The following MAD1L1 variants were observed in gnomAD, a reference collection of about 807,000 sequenced individuals.
MAD1L1 encodes the protein mitotic arrest deficient 1 like 1.
MAD1L1 carries 95 observed loss-of-function variants against 96.9 expected under a neutral mutation model. The observed-to-expected ratio is 0.98, with a 90% confidence interval of 0.83 to 1.16. The LOEUF (loss-of-function observed/expected upper bound fraction) is 1.16, where lower values mean the gene tolerates loss of function less well. Ranked by LOEUF, MAD1L1 falls within the 50% of genes most tolerant of loss-of-function variation. The probability of loss-of-function intolerance (pLI) is 0.00; values close to 1 mark genes in which losing one functional copy is unlikely to be tolerated. For missense variants in MAD1L1, 1,007 were observed against 954.4 expected (o/e 1.06, Z -0.73); for synonymous variants, 473 against 396.6 (o/e 1.19, Z -2.29).
In MAD1L1 at chr7:2,225,458, A is replaced by C. The variant is rs1039631070; in HGVS notation, c.243T>G (p.Ala81=). ...TGGCTGCTCTCTCCAGCTCCACTCG[A>C]GCCCTCTTGTGACTCAGCTCCATCT... ...KMQMELSHKR[A]RVELERAAST... is the part of the protein sequence containing the mutation. The change falls in exon 4 of 19, where the codon GCT becomes GCG. Residue 81 remains alanine, a synonymous_variant. Transcript: ENST00000265854. 38 of 1,613,988 alleles carry C rather than the reference A, an allele frequency of 2.4e-5. No homozygotes were observed. Among genetic ancestry groups the C allele is most frequent in the Non-Finnish European group, 2.8e-5 (33 of 1,180,026 alleles).
At chr7:2,191,390 T>A (rs556714420) in intron 10 of MAD1L1, among the ~76,000 whole-genome samples, 5 of 152,318 alleles carry the variant, frequency 3.3e-5, no homozygotes, top group African/African-American at 1.2e-4. Context: ...TTCTTGTTTA[T>A]TTCACCTAAT....
Position 2,069,177 on chromosome 7 carries a change from G to C in MAD1L1, c.1218+17C>G. On this transcript the variant is annotated intron_variant, in intron 12 of 18. Transcript: ENST00000265854. ...AGCTCCCTGCGACTCTGATCAAGAT[G>C]TAAGGGCATACATCACCTTGGTGAG... 1 of 1,567,884 alleles carries C rather than the reference G, an allele frequency of 6.4e-7. No individual in the cohort carries two copies.
At chr7:1,907,239 G>T (rs1020569587) in intron 17 of MAD1L1, among the ~76,000 whole-genome samples, 3 of 152,188 alleles carry the variant, frequency 2.0e-5, no homozygotes, top group Non-Finnish European at 4.4e-5. Context: ...GCCCGACCTG[G>T]ACCGGTGCCC....
At chr7:1,902,357 G>C (rs1787298794) in intron 17 of MAD1L1, among the ~76,000 whole-genome samples, 1 of 152,230 alleles carries the variant, frequency 6.6e-6, no homozygotes, top group Admixed American at 6.5e-5. Context: ...CTGAAACGCA[G>C]AAAATGCTTC....
chr7:1,920,715 C>G (rs1419163830), intron 17 of MAD1L1, among the ~76,000 whole-genome samples: 1 of 152,208 alleles, frequency 6.6e-6, no homozygotes, highest in Admixed American at 6.5e-5. Context: ...AGGAGGTCTT[C>G]CCAACACTTA....
intron 11 of MAD1L1, among the ~76,000 whole-genome samples, chr7:2,131,019 G>A (rs79897626): frequency 2.0e-5 from 3 of 152,156 alleles, no homozygotes; most frequent in African/African-American, 7.2e-5. Context: ...CCATTCTTTG[G>A]AATCTGTGCT....
intron 11 of MAD1L1, among the ~76,000 whole-genome samples, chr7:2,099,364 T>C (rs531889427): frequency 3.3e-5 from 5 of 152,216 alleles, no homozygotes; most frequent in Non-Finnish European, 7.3e-5. Context: ...CCCTGCCGCC[T>C]TGGCTTCGTT....
chr7:1,944,787 G>T (rs1779154731), intron 16 of MAD1L1, among the ~76,000 whole-genome samples: 1 of 152,206 alleles, frequency 6.6e-6, no homozygotes, highest in Non-Finnish European at 1.5e-5. Context: ...ACCACAGTCT[G>T]CAGGACCAGG....
intron 13 of MAD1L1, among the ~76,000 whole-genome samples, chr7:2,004,547 G>A (rs1373620713): frequency 2.0e-5 from 3 of 152,240 alleles, no homozygotes; most frequent in Admixed American, 6.5e-5. Context: ...CGCGAGGCCC[G>A]GACCAACCAC....
At chr7:1,853,040 C>T (rs1784060896) in intron 18 of MAD1L1, among the ~76,000 whole-genome samples, 1 of 152,226 alleles carries the variant, frequency 6.6e-6, no homozygotes, top group Admixed American at 6.5e-5. Context: ...GGTCCTGTCC[C>T]AGTGTGGAGT....
At chr7:2,098,309 C>A (rs527793319) in intron 11 of MAD1L1, among the ~76,000 whole-genome samples, 1 of 152,218 alleles carries the variant, frequency 6.6e-6, no homozygotes, top group Non-Finnish European at 1.5e-5. Context: ...AAACACCCTC[C>A]GTCCACAGAT....
chr7:2,219,536 A>T, intron 5 of MAD1L1, 80 bp from the exon 6 acceptor site: 1 of 1,505,848 alleles, frequency 6.6e-7, no homozygotes, highest in Non-Finnish European at 9.0e-7. Context: ...AGATGAGAAG[A>T]GTGGAGAGGC....
At chr7:1,903,644 T>C (rs958571497) in intron 17 of MAD1L1, among the ~76,000 whole-genome samples, 5 of 144,844 alleles carry the variant, frequency 3.5e-5, no homozygotes, top group Non-Finnish European at 7.4e-5. Flanking sequence ...TGAAGCACTG[T>C]TCCAGGCAGT....
Position 2,166,754 on chromosome 7 carries a change from C to T in MAD1L1, c.987-17516G>A, listed in dbSNP as rs371674325. Among the ~76,000 whole-genome samples, 247 of 152,258 alleles carry T rather than the reference C, an allele frequency of 1.6e-3. 2 individuals are homozygous for T. Among genetic ancestry groups the T allele is most frequent in the African/African-American group, 5.7e-3 (236 of 41,564 alleles). The stretch of plus-strand genomic sequence containing the variant: ...TGTCCACTGTCCACAGCAGCTGGGC[C>T]GGGAGAATGACCTGGGCGGAACCAC... On this transcript the variant is annotated intron_variant, in intron 10 of 18. Transcript: ENST00000265854.
chr7:2,222,751 C>T lies in MAD1L1; in HGVS notation c.295G>A (p.Glu99Lys). The change falls in exon 5 of 19, where the codon GAG (glutamate) becomes AAG (lysine). Residue 99 changes from glutamate to lysine, a missense_variant. Glu to Lys is a moderately conservative substitution (Grantham distance 56). Coordinates refer to ENST00000265854, the MANE Select transcript of MAD1L1 (RefSeq NM_001013836.2). ...AGGAGCTCCTGGTTGCGGTCGACCT[C>T]ACGCTGTTAAGAGAGCAAGAGTCAG... ...ASTSARNYER[E>K]VDRNQELLTR... The T allele has an allele frequency of 6.3e-7, 1 of 1,597,656 alleles. No individual in the cohort carries two copies. Among genetic ancestry groups the T allele is most frequent in the Admixed American group, 1.7e-5 (1 of 59,200 alleles).
chr7:2,162,439 C>T (rs1049801809), intron 10 of MAD1L1, among the ~76,000 whole-genome samples: 7 of 152,070 alleles, frequency 4.6e-5, no homozygotes, highest in African/African-American at 1.2e-4. Flanking sequence ...TACCCAGGGA[C>T]ACAAACACTG....
intron 17 of MAD1L1, among the ~76,000 whole-genome samples, chr7:1,926,137 C>G (rs977390533): frequency 2.0e-5 from 3 of 152,174 alleles, no homozygotes; most frequent in African/African-American, 7.2e-5. Flanking sequence ...CAATTCACTG[C>G]TCATACATTT....
chr7:1,896,037 G>C (rs992753467), intron 18 of MAD1L1, among the ~76,000 whole-genome samples: 3 of 152,246 alleles, frequency 2.0e-5, no homozygotes, highest in Admixed American at 1.3e-4. Context: ...GGCTCCTCAG[G>C]GCGAGCCCGG....
intron 18 of MAD1L1, among the ~76,000 whole-genome samples, chr7:1,857,580 G>T (rs1013174585): frequency 6.6e-6 from 1 of 152,248 alleles, no homozygotes; most frequent in African/African-American, 2.4e-5. Context: ...CGGGGCTCAG[G>T]TGAGGGGGCT....
Sources: allele counts gnomAD v4.1 joint callset (sites outside exome capture counted in the v4.1 genomes callset), GRCh38; gene constraint gnomAD v4.1.1; transcripts MANE v1.5; gene names NCBI Gene and HGNC (gene_info 2026-07-23, HGNC 2026-07-21).